The following RBPJ variants were observed in gnomAD, a reference collection of about 807,000 sequenced individuals.
The protein encoded by RBPJ is recombination signal binding protein for immunoglobulin kappa J region, also known as recombining binding protein suppressor of hairless.
In RBPJ, 9 loss-of-function variants were observed where a neutral mutation model predicts 67.8. The observed-to-expected ratio is 0.13, with a 90% CI of 0.08 to 0.23. RBPJ has a LOEUF of 0.23. Ranked by LOEUF, RBPJ falls within the 10% of genes least tolerant of loss-of-function variation. RBPJ has a pLI of 1.00. For missense variants in RBPJ, 305 were observed against 595.6 expected, an observed-to-expected ratio of 0.51 and a Z score of 5.08; for synonymous variants, 198 against 203.3, an observed-to-expected ratio of 0.97 and a Z score of 0.22.
chr4:26,307,566 A>G (rs1289029209), intron 1 of RBPJ, among the ~76,000 whole-genome samples: 2 of 152,232 alleles, frequency 1.3e-5, no homozygotes, highest in African/African-American at 4.8e-5. Context: ...ACTGCTGATG[A>G]AAATCAGATT....
At position 26,432,690 on chromosome 4, in the gene RBPJ, C is replaced by T. The variant is rs1006210142; in HGVS notation, c.*1683C>T. On this transcript the variant is annotated 3_prime_UTR_variant, in exon 11 of 11. Coordinates refer to ENST00000355476, the MANE Select transcript of RBPJ (RefSeq NM_015874.6). ...ACAGTCTAGTAATACAATCATCCCT[C>T]TTAGAGTAAAAACTACCTCTAGATT... 1.3e-5 allele frequency: 2 copies of T among 152,182 alleles called. No individual in the cohort carries two copies. Among genetic ancestry groups the T allele is most frequent in the African/African-American group, 4.8e-5 (2 of 41,438 alleles). 9.4% of individuals were successfully genotyped at this position (152,182 alleles called of 1,614,324 possible).
At chr4:26,208,447 T>A (rs1718246432) in intron 1 of RBPJ, among the ~76,000 whole-genome samples, 1 of 152,140 alleles carries the variant, frequency 6.6e-6, no homozygotes, top group South Asian at 2.1e-4. Flanking sequence ...CAGGAACACA[T>A]GAATAGCCAC....
intron 1 of RBPJ, among the ~76,000 whole-genome samples, chr4:26,207,672 G>A (rs886190247): frequency 1.3e-5 from 2 of 152,206 alleles, no homozygotes; most frequent in African/African-American, 4.8e-5. Context: ...AGCAATGCCT[G>A]CCCTTGGGGA....
chr4:26,208,470 G>A (rs1718247221), intron 1 of RBPJ, among the ~76,000 whole-genome samples: 1 of 152,188 alleles, frequency 6.6e-6, no homozygotes. Flanking sequence ...AGTCAGAGAT[G>A]TCACCATCTA....
chr4:26,352,939 T>C (rs1034939823), intron 1 of RBPJ, among the ~76,000 whole-genome samples: 2 of 152,236 alleles, frequency 1.3e-5, no homozygotes, highest in African/African-American at 4.8e-5. Context: ...GTAAGCTTTG[T>C]TTTTGTTTTC....
intron 1 of RBPJ, among the ~76,000 whole-genome samples, chr4:26,180,983 A>C (rs779366317): frequency 1.9e-4 from 29 of 151,546 alleles, no homozygotes; most frequent in Non-Finnish European, 3.8e-4. Flanking sequence ...TGATAGTTCT[A>C]TAAAGGGCAG....
the RBPJ span, among the ~76,000 whole-genome samples, chr4:26,119,722 G>GTA: frequency 2.0e-5 from 3 of 152,294 alleles, no homozygotes; most frequent in African/African-American, 7.2e-5. Context: ...CTCTCATAGG[G>GTA]TATAGGTCAC....
chr4:26,158,006 G>T, the RBPJ span, among the ~76,000 whole-genome samples: 1 of 152,202 alleles, frequency 6.6e-6, no homozygotes, highest in Non-Finnish European at 1.5e-5. Context: ...GCTGAACCCA[G>T]CCCAAATTGC....
the RBPJ span, among the ~76,000 whole-genome samples, chr4:26,154,678 C>G: frequency 6.6e-6 from 1 of 152,186 alleles, no homozygotes; most frequent in Non-Finnish European, 1.5e-5. Context: ...TATAATTGTT[C>G]TTTTGGCTCA....
Position 26,431,054 on chromosome 4 carries a change from AG to A in RBPJ, c.*48del. 6.5e-7 allele frequency: 1 copy of A among 1,533,716 alleles called. No homozygotes were observed. Among genetic ancestry groups the A allele is most frequent in the Non-Finnish European group, 8.9e-7 (1 of 1,119,188 alleles). On this transcript the variant is annotated 3_prime_UTR_variant, in exon 11 of 11. Transcript: ENST00000355476. ...TTAAACTGACTTGAGTGTGGCAAAA[AG>A]TTAACAAAAAAGGAGAAAAAATGAA... is the stretch of plus-strand genomic sequence containing the variant.
chr4:26,169,696 G>A (rs1405085097), intron 1 of RBPJ, among the ~76,000 whole-genome samples: 3 of 152,236 alleles, frequency 2.0e-5, no homozygotes, highest in Admixed American at 6.5e-5. Flanking sequence ...ACAGAGGCAG[G>A]CAGGCCTCCT....
upstream of RBPJ, among the ~76,000 whole-genome samples, chr4:26,159,905 T>TC (rs1560191852): frequency 2.0e-5 from 3 of 147,118 alleles, no homozygotes; most frequent in Admixed American, 1.3e-4. Flanking sequence ...GCAAGAAGCT[T>TC]TCTCTCTCTC....
chr4:26,174,042 A>C (rs541713461), intron 1 of RBPJ, among the ~76,000 whole-genome samples: 1 of 152,366 alleles, frequency 6.6e-6, no homozygotes, highest in East Asian at 1.9e-4. Context: ...TAGAAGTTAC[A>C]GGAAGGACGC....
At chr4:26,121,878 T>C in the RBPJ span, among the ~76,000 whole-genome samples, 24 of 110,114 alleles carry the variant, frequency 2.2e-4, no homozygotes, top group African/African-American at 5.6e-4. Flanking sequence ...TCTCTCTTTT[T>C]TTTTTTTTTT....
At chr4:26,312,818 TG>T (rs1722477487) in intron 1 of RBPJ, among the ~76,000 whole-genome samples, 1 of 152,268 alleles carries the variant, frequency 6.6e-6, no homozygotes, top group Non-Finnish European at 1.5e-5. Context: ...AGATGATGCC[TG>T]ACCTGCAGTG....
the RBPJ span, among the ~76,000 whole-genome samples, chr4:26,128,553 C>T: frequency 1.0e-3 from 158 of 152,224 alleles, no homozygotes; most frequent in African/African-American, 3.4e-3. Flanking sequence ...GTAGCTATGC[C>T]CCAAATCCCA....
intron 1 of RBPJ, among the ~76,000 whole-genome samples, chr4:26,381,662 G>T (rs183093510): frequency 6.6e-6 from 1 of 152,232 alleles, no homozygotes; most frequent in East Asian, 1.9e-4. Flanking sequence ...TTACTGGGTG[G>T]TGATGGTAAG....
chr4:26,112,159 T>C, the RBPJ span: 2 of 152,922 alleles, frequency 1.3e-5, no homozygotes, highest in African/African-American at 4.8e-5. Context: ...GACAAGTATT[T>C]TTGGGAGCTT....
chr4:26,109,103 CT>C, the RBPJ span, among the ~76,000 whole-genome samples: 1,315 of 129,984 alleles, frequency 0.01, 8 homozygotes, highest in African/African-American at 0.03. Flanking sequence ...TTGCCTTCCT[CT>C]TTTTTTTTTT....
Sources: allele counts gnomAD v4.1 joint callset (sites outside exome capture counted in the v4.1 genomes callset), GRCh38; gene constraint gnomAD v4.1.1; transcripts MANE v1.5; gene names NCBI Gene and HGNC (gene_info 2026-07-23, HGNC 2026-07-21).